TLN2: variants seen among roughly 807,000 people sequenced by gnomAD.
TLN2 encodes talin-2.
A neutral mutation model predicts 294.7 loss-of-function variants in TLN2; 118 were observed. The ratio of observed to expected loss-of-function variants is 0.40; its 90% CI spans 0.34 to 0.47. The LOEUF is 0.47. Ranked by LOEUF, TLN2 falls within the 20% of genes least tolerant of loss-of-function variation. TLN2 has a pLI of 0.84. For synonymous variants in TLN2, 1,431 were observed against 1,304.5 expected (o/e 1.10, Z -2.09); for missense variants, 3,083 against 3,282.2 (o/e 0.94, Z 1.48).
chr15:62,466,104 A>G (rs1005308232), intron 1 of TLN2, among the ~76,000 whole-genome samples: 3 of 152,162 alleles, frequency 2.0e-5, no homozygotes, highest in African/African-American at 7.2e-5. Context: ...GGGAGGTATG[A>G]TGAGAGGCAG....
chr15:62,436,652 TC>T (rs895399546), intron 1 of TLN2, among the ~76,000 whole-genome samples: 44 of 152,314 alleles, frequency 2.9e-4, no homozygotes, highest in African/African-American at 1.0e-3. Context: ...CTTGGAGGAA[TC>T]AGGTTGTTTG....
chr15:62,409,496 AT>A (rs372177341), intron 1 of TLN2, among the ~76,000 whole-genome samples: 6 of 152,210 alleles, frequency 3.9e-5, no homozygotes, highest in African/African-American at 1.4e-4. Context: ...TTCTATTTGA[AT>A]AACCATTCCC....
At chr15:62,633,480 A>T (rs2050102773) in intron 3 of TLN2, among the ~76,000 whole-genome samples, 1 of 152,106 alleles carries the variant, frequency 6.6e-6, no homozygotes, top group Non-Finnish European at 1.5e-5. Flanking sequence ...TATTTAAAAA[A>T]TTTGTGTAGA....
intron 1 of TLN2, among the ~76,000 whole-genome samples, chr15:62,427,548 A>G (rs1257776286): frequency 1.3e-5 from 2 of 152,030 alleles, no homozygotes; most frequent in Non-Finnish European, 2.9e-5. Flanking sequence ...GGATTTAGCC[A>G]TGTTTACCCT....
At chr15:62,677,174 A>G (rs1596651912) in intron 11 of TLN2, among the ~76,000 whole-genome samples, 1 of 152,320 alleles carries the variant, frequency 6.6e-6, no homozygotes, top group Non-Finnish European at 1.5e-5. Flanking sequence ...CTTTTCATTC[A>G]TTATTGTGAA....
At chr15:62,437,715 T>C (rs1192861843) in intron 1 of TLN2, among the ~76,000 whole-genome samples, 1 of 151,188 alleles carries the variant, frequency 6.6e-6, no homozygotes, top group Non-Finnish European at 1.5e-5. Flanking sequence ...TTTACTTTTT[T>C]CCTCTGTAAA....
chr15:62,607,641 G>T (rs1288719673), intron 2 of TLN2, among the ~76,000 whole-genome samples: 1 of 152,182 alleles, frequency 6.6e-6, no homozygotes, highest in African/African-American at 2.4e-5. Flanking sequence ...TGTAGAAGGG[G>T]CCCTTTTGGT....
chr15:62,698,756 C>G lies in TLN2; in HGVS notation c.1476C>G (p.Thr492=), dbSNP rs1242743838. Residue 492 remains threonine, a splice_region_variant and synonymous_variant, in exon 16 of 59, where the codon ACC becomes ACG. Transcript: ENST00000636159. Reference sequence around the variant, plus strand: ...CTTTGTTTCATTTGCCTTTGCAGACCTCAGCCCAGCAGGCCCTGATGGGGA... The same window carrying G: ...CTTTGTTTCATTTGCCTTTGCAGACGTCAGCCCAGCAGGCCCTGATGGGGA... The part of the protein sequence containing the change: ...QMHRGHMPPL[T]SAQQALMGTI... The G allele has an allele frequency of 1.2e-6, 2 of 1,609,518 alleles. No individual in the cohort carries two copies. Among genetic ancestry groups the G allele is most frequent in the African/African-American group, 2.7e-5 (2 of 74,902 alleles).
At chr15:62,678,426 T>C (rs1450349776) in intron 11 of TLN2, among the ~76,000 whole-genome samples, 1 of 152,258 alleles carries the variant, frequency 6.6e-6, no homozygotes, top group East Asian at 1.9e-4. Context: ...AACATCCTTT[T>C]ATTAAAAATT....
rs1325972638 is a variant in TLN2, at chr15:62,643,491, T to TA, written c.-36-3775dup. Among the ~76,000 whole-genome samples the TA allele has an allele frequency of 1.6e-3, 228 of 143,370 alleles. 1 individual carries two copies. Among genetic ancestry groups the TA allele is most frequent in the African/African-American group, 5.3e-3 (199 of 37,340 alleles). The allele number at this position is 143,370 out of a possible 152,430, so 94.1% of individuals were successfully genotyped here. On this transcript the variant is annotated intron_variant, in intron 3 of 58. Coordinates refer to ENST00000636159, the MANE Select transcript of TLN2 (RefSeq NM_015059.3). ...TTTTGCAATAGTTGTTTTTGGGTGATAAAAAAAAAGTTGAGGCCACAAGTC... is the reference window on the plus strand; with the variant it reads ...TTTTGCAATAGTTGTTTTTGGGTGATAAAAAAAAAAGTTGAGGCCACAAGTC...
intron 1 of TLN2, among the ~76,000 whole-genome samples, chr15:62,486,329 T>C (rs181844838): frequency 4.9e-4 from 75 of 152,292 alleles, no homozygotes; most frequent in African/African-American, 1.8e-3. Context: ...ATTTTGCCAC[T>C]TCACACAATA....
intron 44 of TLN2, among the ~76,000 whole-genome samples, chr15:62,781,763 T>A (rs1365991203): frequency 1.3e-5 from 2 of 152,094 alleles, no homozygotes; most frequent in African/African-American, 4.8e-5. Flanking sequence ...AAAAAAAAAA[T>A]TCCGACAGTA....
chr15:62,775,993 T>G (rs944286394), intron 42 of TLN2, among the ~76,000 whole-genome samples: 1 of 152,210 alleles, frequency 6.6e-6, no homozygotes, highest in African/African-American at 2.4e-5. Flanking sequence ...GCCACTTACC[T>G]AGTTAGCCAG....
intron 41 of TLN2, among the ~76,000 whole-genome samples, chr15:62,769,444 C>T (rs1483389204): frequency 2.0e-5 from 3 of 152,192 alleles, no homozygotes; most frequent in African/African-American, 7.2e-5. Flanking sequence ...CTCATGTCTG[C>T]CCAAAGGACC....
At chr15:62,783,655 G>T (rs2064380264) in intron 44 of TLN2, 116 bp from the exon 45 acceptor site, 1 of 1,455,040 alleles carries the variant, frequency 6.9e-7, no homozygotes, top group Non-Finnish European at 9.1e-7. Context: ...CCCCTCAGGA[G>T]CTTAAAAGTG....
rs139693566 is a variant in TLN2, at chr15:62,574,296, G to C, written c.-237-15391G>C. 1.7e-3 allele frequency among the ~76,000 whole-genome samples: 264 copies of C among 151,826 alleles called. 2 individuals are homozygous for C. Among genetic ancestry groups the C allele is most frequent in the African/African-American group, 6.1e-3 (254 of 41,362 alleles). ...GGAAGGCTTTTAAAAAACATGATTA[G>C]CCAGGCGCGGTGGCTCAGCCTGTAA... is the stretch of plus-strand genomic sequence containing the variant. On this transcript the variant is annotated intron_variant, in intron 1 of 58. Coordinates refer to ENST00000636159, the MANE Select transcript of TLN2 (RefSeq NM_015059.3).
chr15:62,513,980 A>G (rs12904710), intron 1 of TLN2, among the ~76,000 whole-genome samples: 11,882 of 152,290 alleles, frequency 0.078, 545 homozygotes, highest in Non-Finnish European at 0.098. Context: ...TCCGCCCTCT[A>G]CTAACCAAAG....
intron 2 of TLN2, among the ~76,000 whole-genome samples, chr15:62,607,711 C>T (rs774857909): frequency 6.6e-6 from 1 of 152,142 alleles, no homozygotes; most frequent in Non-Finnish European, 1.5e-5. Context: ...GTGGAAAAGG[C>T]CCGATTTCCC....
At chr15:62,536,253 T>A (rs919445716) in intron 1 of TLN2, among the ~76,000 whole-genome samples, 1 of 152,200 alleles carries the variant, frequency 6.6e-6, no homozygotes, top group Non-Finnish European at 1.5e-5. Flanking sequence ...TGGGCTTTTT[T>A]AAAGCTGCTC....
Sources: gnomAD v4.1 joint callset for allele counts (sites outside exome capture counted in the v4.1 genomes callset) on GRCh38, gnomAD v4.1.1 for gene constraint, MANE v1.5 for transcripts, NCBI Gene and HGNC (gene_info 2026-07-23, HGNC 2026-07-21) for gene names.